The following TTBK2 variants were observed in gnomAD, a reference collection of about 807,000 sequenced individuals.
TTBK2 encodes tau-tubulin kinase 2.
Under a neutral mutation model 110.8 loss-of-function variants are expected in TTBK2, and 28 were observed. The ratio of observed to expected loss-of-function variants is 0.25; its 90% CI spans 0.19 to 0.35. TTBK2 has a LOEUF of 0.35. TTBK2 is among the 10% of genes least tolerant of loss of function. The pLI is 1.00. For missense variants in TTBK2, 1,369 were observed against 1,500.3 expected (o/e 0.91, Z 1.45); for synonymous variants, 532 against 527.3 (o/e 1.01, Z -0.12).
At position 42,775,472 on chromosome 15, in the gene TTBK2, A is replaced by G. The variant is rs368873147; in HGVS notation, c.1661T>C (p.Ile554Thr). 6 of 1,614,204 alleles carry G rather than the reference A, an allele frequency of 3.7e-6. No homozygotes were observed. Among genetic ancestry groups the G allele is most frequent in the Non-Finnish European group, 5.1e-6 (6 of 1,180,032 alleles). ...CTGAAGGTCCTGCTCCTTGTCCACAATCACCCATTCTTTGGAATCAATTTC... is the reference window on the plus strand; with the variant it reads ...CTGAAGGTCCTGCTCCTTGTCCACAGTCACCCATTCTTTGGAATCAATTTC... Reference protein sequence around the residue: ...KQEIDSKEWVIVDKEQDLQDF... With the variant: ...KQEIDSKEWVTVDKEQDLQDF... Residue 554 changes from isoleucine (I) to threonine (T), a missense_variant, in exon 13 of 15, where the codon ATT becomes ACT. Transcript: ENST00000267890.
chr15:42,762,038 C>T (rs776589514), intron 13 of TTBK2, among the ~76,000 whole-genome samples: 31 of 152,176 alleles, frequency 2.0e-4, no homozygotes, highest in Non-Finnish European at 4.0e-4. Context: ...GCTCTCTTTG[C>T]CTGCTGCCAT....
intron 7 of TTBK2, among the ~76,000 whole-genome samples, chr15:42,813,857 T>TA (rs912280517): frequency 1.7e-3 from 244 of 142,978 alleles, no homozygotes; most frequent in African/African-American, 5.2e-3. Context: ...CTCCATCTCT[T>TA]AAAAAAAAAA....
intron 3 of TTBK2, among the ~76,000 whole-genome samples, chr15:42,852,217 C>T (rs781341844): frequency 6.6e-6 from 1 of 151,932 alleles, no homozygotes. Context: ...TACAGGTATG[C>T]ACCACCGGGC....
Position 42,811,719 on chromosome 15 carries a change from C to T in TTBK2, c.665G>A (p.Gly222Asp). 5 of 1,613,648 alleles carry T rather than the reference C, an allele frequency of 3.1e-6. No individual in the cohort carries two copies. The highest frequency in any genetic ancestry group is 4.2e-6 in the Non-Finnish European group (5 of 1,179,788). The change falls in exon 8 of 15, where the codon GGT becomes GAT. Residue 222 changes from glycine to aspartate, a missense_variant. Around this residue, in one of 4 missense-constraint regions of TTBK2, gnomAD observed 138 missense variants for 179.0 expected, o/e 0.77. Coordinates refer to ENST00000267890, the MANE Select transcript of TTBK2 (RefSeq NM_173500.4). Reference protein sequence around the residue: ...LFYMLVEFVVGQLPWRKIKDK... With the variant: ...LFYMLVEFVVDQLPWRKIKDK... The stretch of plus-strand genomic sequence containing the variant: ...CTTTATTTTTCTCCAGGGCAGCTGA[C>T]CAACCACAAACTCCACCAACATGTA...
At chr15:42,878,394 CTG>C (rs1894901573) in intron 2 of TTBK2, among the ~76,000 whole-genome samples, 153 bp downstream of exon 2, 2 of 151,798 alleles carry the variant, frequency 1.3e-5, no homozygotes, top group African/African-American at 4.8e-5. Context: ...AGAAAAATAA[CTG>C]TAAATAACTG....
chr15:42,887,904 C>A (rs1256431638), intron 1 of TTBK2, among the ~76,000 whole-genome samples: 1 of 150,558 alleles, frequency 6.6e-6, no homozygotes, highest in African/African-American at 2.5e-5. Context: ...CTGTTACCTA[C>A]CTCGGCATAA....
chr15:42,824,694 G>A (rs573814517), intron 6 of TTBK2, among the ~76,000 whole-genome samples: 5 of 152,092 alleles, frequency 3.3e-5, no homozygotes, highest in African/African-American at 1.2e-4. Context: ...CAAAGGGAAC[G>A]ATGTACACTG....
At chr15:42,877,132 A>G (rs2141128785) in intron 2 of TTBK2, among the ~76,000 whole-genome samples, 1 of 152,334 alleles carries the variant, frequency 6.6e-6, no homozygotes, top group Middle Eastern at 3.4e-3. Context: ...TTGTCCTTAT[A>G]GATACATTTC....
chr15:42,870,061 C>A (rs1374928921), intron 3 of TTBK2, among the ~76,000 whole-genome samples: 3 of 152,008 alleles, frequency 2.0e-5, no homozygotes, highest in African/African-American at 4.8e-5. Context: ...GTAGTCCCAG[C>A]TACTTGGGAG....
intron 4 of TTBK2, among the ~76,000 whole-genome samples, chr15:42,836,079 A>G (rs1595966315): frequency 6.6e-6 from 1 of 152,204 alleles, no homozygotes; most frequent in Non-Finnish European, 1.5e-5. Context: ...TGGTTATACT[A>G]AAGATGCTCA....
intron 7 of TTBK2, among the ~76,000 whole-genome samples, chr15:42,815,839 T>G (rs1381436084): frequency 7.3e-6 from 1 of 137,054 alleles, no homozygotes; most frequent in Non-Finnish European, 1.5e-5. Context: ...ATGTTCAATC[T>G]CTTCCAAATT....
intron 1 of TTBK2, among the ~76,000 whole-genome samples, chr15:42,896,325 T>C (rs1256958109): frequency 1.3e-5 from 2 of 151,946 alleles, no homozygotes; most frequent in Non-Finnish European, 2.9e-5. Context: ...AAACTCTGTC[T>C]CAAAACAATA....
At chr15:42,797,211 C>CT (rs1250602438) in intron 9 of TTBK2, among the ~76,000 whole-genome samples, 1 of 152,254 alleles carries the variant, frequency 6.6e-6, no homozygotes, top group African/African-American at 2.4e-5. Context: ...AGCACTTAGA[C>CT]TGCCACTGCT....
At chr15:42,809,214 A>G (rs1469051984) in intron 9 of TTBK2, among the ~76,000 whole-genome samples, 1 of 152,262 alleles carries the variant, frequency 6.6e-6, no homozygotes, top group Non-Finnish European at 1.5e-5. Context: ...AGAATCTGTG[A>G]AACAAAGTAA....
At chr15:42,883,952 A>C (rs149276536) in intron 1 of TTBK2, among the ~76,000 whole-genome samples, 79 of 152,304 alleles carry the variant, frequency 5.2e-4, no homozygotes, top group African/African-American at 1.8e-3. Context: ...GCAAATATTA[A>C]CAAAAGAAAA....
intron 3 of TTBK2, among the ~76,000 whole-genome samples, chr15:42,844,402 T>C (rs1319385321): frequency 1.3e-5 from 2 of 151,886 alleles, no homozygotes; most frequent in East Asian, 1.9e-4. Context: ...CTACAAAAAA[T>C]ACAAAAATTA....
chr15:42,849,254 T>A lies in TTBK2; in HGVS notation c.218-8821A>T, dbSNP rs1450073060. Among the ~76,000 whole-genome samples, 4 of 152,194 alleles carry A rather than the reference T, an allele frequency of 2.6e-5. No homozygotes were observed. In the East Asian group the frequency reaches 7.7e-4, roughly 29 times the overall value. On this transcript the variant is annotated intron_variant, in intron 3 of 14. Coordinates refer to ENST00000267890, the MANE Select transcript of TTBK2 (RefSeq NM_173500.4). ...CTTTCATCTATCATGTCCATTCTGC[T>A]ATTGAGCCCATTCAGTGAGTTTTTT...
At chr15:42,856,548 A>G (rs935790027) in intron 3 of TTBK2, among the ~76,000 whole-genome samples, 3 of 152,184 alleles carry the variant, frequency 2.0e-5, no homozygotes, top group Non-Finnish European at 4.4e-5. Flanking sequence ...GATAGATATG[A>G]GATGGTATTG....
At chr15:42,919,698 A>C (rs2031267238) in intron 1 of TTBK2, 1 of 573,052 alleles carries the variant, frequency 1.7e-6, no homozygotes, top group South Asian at 7.7e-5. Context: ...AGTTAATACC[A>C]GGATTGCTGC....
Sources: gnomAD v4.1 joint callset for allele counts (sites outside exome capture counted in the v4.1 genomes callset) on GRCh38, gnomAD v4.1.1 for gene constraint, gnomAD v4.1.1 regional missense constraint, MANE v1.5 for transcripts, NCBI Gene and HGNC (gene_info 2026-07-23, HGNC 2026-07-21) for gene names.